The following ROBO1 variants were observed in gnomAD, a reference collection of about 807,000 sequenced individuals.
ROBO1 encodes the protein roundabout guidance receptor 1, also known as roundabout homolog 1.
Under a neutral mutation model 195.9 loss-of-function variants are expected in ROBO1, and 149 were observed. The observed-to-expected ratio is 0.76, with a 90% confidence interval of 0.67 to 0.87. The LOEUF is 0.87. ROBO1 is among the 40% of genes least tolerant of loss of function. ROBO1 has a pLI of 0.00. For synonymous variants in ROBO1, 816 were observed against 733.2 expected (o/e 1.11, Z -1.82); for missense variants, 1,933 against 2,068.3 (o/e 0.93, Z 1.27).
chr3:78,894,703 C>T (rs1441276077), intron 4 of ROBO1, among the ~76,000 whole-genome samples: 2 of 152,112 alleles, frequency 1.3e-5, no homozygotes, highest in African/African-American at 4.8e-5. Context: ...CCAAAACTTC[C>T]CAAAATAAGA....
intron 19 of ROBO1, among the ~76,000 whole-genome samples, chr3:78,648,684 A>C (rs1205705303): frequency 1.3e-5 from 2 of 150,728 alleles, no homozygotes; most frequent in African/African-American, 4.9e-5. Flanking sequence ...CTCTGGTTAA[A>C]AAAAAAAAAA....
intron 4 of ROBO1, among the ~76,000 whole-genome samples, chr3:78,936,957 G>A (rs2039847022): frequency 6.6e-6 from 1 of 152,086 alleles, no homozygotes; most frequent in African/African-American, 2.4e-5. Flanking sequence ...GACAATAAGA[G>A]AAAGGTCATA....
At chr3:79,645,775 G>A (rs1945803626) in intron 1 of ROBO1, among the ~76,000 whole-genome samples, 1 of 152,060 alleles carries the variant, frequency 6.6e-6, no homozygotes, top group Non-Finnish European at 1.5e-5. Flanking sequence ...GGCACAGACA[G>A]ACAGACCAAG....
intron 15 of ROBO1, 93 bp downstream of exon 15, chr3:78,661,900 T>C: frequency 7.3e-7 from 1 of 1,377,302 alleles, no homozygotes. Flanking sequence ...ATCATTAATG[T>C]ACAAGTAGGC....
intron 1 of ROBO1, among the ~76,000 whole-genome samples, chr3:79,615,716 G>T (rs1944797994): frequency 6.6e-6 from 1 of 152,092 alleles, no homozygotes; most frequent in African/African-American, 2.4e-5. Context: ...AGATTAGAAA[G>T]CCCAGAAGTA....
chr3:79,407,774 AAATT>A (rs1400756497), intron 2 of ROBO1, among the ~76,000 whole-genome samples: 1 of 152,116 alleles, frequency 6.6e-6, no homozygotes, highest in Non-Finnish European at 1.5e-5. Context: ...ATTTATTGTT[AAATT>A]ATTATATACT....
rs963025486 is a variant in ROBO1, at chr3:79,481,680, C to A, written c.88+108144G>T. 2.6e-4 allele frequency among the ~76,000 whole-genome samples: 40 copies of A among 152,222 alleles called. 1 individual carries two copies. Among genetic ancestry groups the A allele is most frequent in the African/African-American group, 9.1e-4 (38 of 41,556 alleles). ...AACCATTTTTAGTGCCAACATTGAT[C>A]TTTATTGATCTCTAGTTGTCATTTT... On this transcript the variant is annotated intron_variant, in intron 2 of 30. Coordinates refer to ENST00000464233, the MANE Select transcript of ROBO1 (RefSeq NM_002941.4).
intron 2 of ROBO1, among the ~76,000 whole-genome samples, chr3:79,126,539 C>T (rs568339664): frequency 2.4e-4 from 37 of 152,234 alleles, no homozygotes; most frequent in East Asian, 3.9e-4. Flanking sequence ...AGGTCTGCTA[C>T]TGAGAAGCAG....
intron 2 of ROBO1, among the ~76,000 whole-genome samples, chr3:79,444,036 T>G (rs531456819): frequency 2.0e-5 from 3 of 152,082 alleles, no homozygotes; most frequent in Admixed American, 6.6e-5. Context: ...TTTGACAGAT[T>G]AACAATTTTG....
intron 3 of ROBO1, among the ~76,000 whole-genome samples, chr3:79,060,490 A>G (rs1022298030): frequency 1.8e-4 from 27 of 152,094 alleles, no homozygotes; most frequent in Admixed American, 1.3e-3. Flanking sequence ...ACCAAGCTGT[A>G]AAATTTCTCT....
intron 2 of ROBO1, among the ~76,000 whole-genome samples, chr3:79,408,853 A>G (rs2037657663): frequency 6.6e-6 from 1 of 152,180 alleles, no homozygotes; most frequent in African/African-American, 2.4e-5. Context: ...TTTTTCCAAG[A>G]GCAAAACCAT....
intron 2 of ROBO1, among the ~76,000 whole-genome samples, chr3:79,462,832 A>G (rs1937723911): frequency 6.6e-6 from 1 of 152,200 alleles, no homozygotes; most frequent in Non-Finnish European, 1.5e-5. Flanking sequence ...TGAATTAATG[A>G]AAATCTGTGG....
chr3:79,542,843 T>C (rs1231290571), intron 2 of ROBO1, among the ~76,000 whole-genome samples: 1 of 152,068 alleles, frequency 6.6e-6, no homozygotes, highest in East Asian at 1.9e-4. Flanking sequence ...TGATTTGCTC[T>C]TTAAGGTAGT....
chr3:78,847,496 C>A (rs1360331997), intron 4 of ROBO1, among the ~76,000 whole-genome samples: 3 of 152,042 alleles, frequency 2.0e-5, no homozygotes, highest in East Asian at 1.9e-4. Flanking sequence ...CCTCCAGGAA[C>A]CTGTAAGGGA....
At chr3:78,902,264 TATGCAAATC>T (rs1202006326) in intron 4 of ROBO1, among the ~76,000 whole-genome samples, 1 of 152,214 alleles carries the variant, frequency 6.6e-6, no homozygotes, top group East Asian at 1.9e-4. Context: ...GTGTTTTTAG[TATGCAAATC>T]ATGCTTGAAA....
rs191963289 is a variant in ROBO1, at chr3:78,864,059, G to A, written c.499+74542C>T. On this transcript the variant is annotated intron_variant, in intron 4 of 30. Coordinates refer to ENST00000464233, the MANE Select transcript of ROBO1 (RefSeq NM_002941.4). ...GCTTGCTGCTTTCTATGCTATTTACGTAGTTCACAATTACATTTACTCCTT... is the reference window on the plus strand; with the variant it reads ...GCTTGCTGCTTTCTATGCTATTTACATAGTTCACAATTACATTTACTCCTT... 1.2e-3 allele frequency among the ~76,000 whole-genome samples: 190 copies of A among 152,252 alleles called. 1 individual carries two copies. The highest frequency in any genetic ancestry group is 2.3e-3 in the Non-Finnish European group (154 of 68,030).
intron 3 of ROBO1, among the ~76,000 whole-genome samples, chr3:79,123,665 A>G (rs1032346388): frequency 3.3e-5 from 5 of 152,012 alleles, no homozygotes; most frequent in African/African-American, 1.2e-4. Flanking sequence ...TTACAGTCTC[A>G]GGAACAAGAT....
At chr3:79,395,299 G>C (rs2037108950) in intron 2 of ROBO1, among the ~76,000 whole-genome samples, 1 of 131,466 alleles carries the variant, frequency 7.6e-6, no homozygotes, top group African/African-American at 2.9e-5. Context: ...TCCAGCCTGG[G>C]CGATAGAGCA....
chr3:79,414,812 A>G (rs1399945580), intron 2 of ROBO1, among the ~76,000 whole-genome samples: 2 of 152,186 alleles, frequency 1.3e-5, no homozygotes, highest in Admixed American at 6.6e-5. Context: ...TTTAACATAA[A>G]GTACTGAAGA....
Sources: gnomAD v4.1 joint callset for allele counts (sites outside exome capture counted in the v4.1 genomes callset) on GRCh38, gnomAD v4.1.1 for gene constraint, MANE v1.5 for transcripts, NCBI Gene and HGNC (gene_info 2026-07-23, HGNC 2026-07-21) for gene names.